Variants in NHSL2 observed in about 807,000 individuals in gnomAD.
The protein encoded by NHSL2 is NHS-like protein 2.
A neutral mutation model predicts 53.4 loss-of-function variants in NHSL2; 27 were observed. That is an observed-to-expected ratio of 0.51 (90% confidence interval 0.37 to 0.70). NHSL2 has a LOEUF of 0.70. Ranked by LOEUF, NHSL2 falls within the 30% of genes least tolerant of loss-of-function variation. NHSL2 has a pLI of 0.00. For synonymous variants in NHSL2, 408 were observed against 404.1 expected, an observed-to-expected ratio of 1.01 and a Z score of -0.12; for missense variants, 892 against 980.1, an observed-to-expected ratio of 0.91 and a Z score of 1.20.
intron 1 of NHSL2, among the ~76,000 whole-genome samples, chrX:72,067,927 G>C: frequency 8.9e-6 from 1 of 112,359 alleles, no homozygotes; most frequent in Admixed American, 9.4e-5. Context: ...CAACAGGAGA[G>C]GTTCCTAGCA....
intron 1 of NHSL2, among the ~76,000 whole-genome samples, chrX:71,913,145 C>T (rs2041612432): frequency 8.9e-6 from 1 of 111,841 alleles, no homozygotes. Context: ...ACATGTCCCA[C>T]GGCTCAGAGG....
rs191927385 is a variant in NHSL2 at position 72,146,925 on chromosome X, A to G, written c.*3351A>G. On this transcript the variant is annotated 3_prime_UTR_variant, in exon 8 of 8. Transcript: ENST00000633930. ...AACTCACCCATAAAGGAAGTGAGAC[A>G]ACAGGAAGCAAAATAATTAATGTTA... 81 of 111,655 alleles carry G rather than the reference A, an allele frequency of 7.3e-4. No individual in the cohort carries two copies. The highest frequency in any genetic ancestry group is 2.6e-3 in the African/African-American group (79 of 30,711). The allele number at this position is 111,655 out of a possible 1,213,427, so 9.2% of individuals were successfully genotyped here.
At chrX:72,031,360 G>A (rs2042214218) in intron 1 of NHSL2, among the ~76,000 whole-genome samples, 1 of 111,661 alleles carries the variant, frequency 9.0e-6, no homozygotes, top group African/African-American at 3.3e-5. Flanking sequence ...ACCTCTCTGA[G>A]CCTCAGGTCC....
At chrX:71,924,334 C>T (rs780824529) in intron 1 of NHSL2, among the ~76,000 whole-genome samples, 41 of 111,836 alleles carry the variant, frequency 3.7e-4, no homozygotes, top group Non-Finnish European at 7.3e-4. Flanking sequence ...TTCCTGTTTA[C>T]GGCCCTCTCT....
chrX:71,989,348 CAA>C (rs10625546), intron 1 of NHSL2, among the ~76,000 whole-genome samples: 1 of 54,726 alleles, frequency 1.8e-5, no homozygotes, highest in Non-Finnish European at 3.0e-5. Flanking sequence ...GACTCCGTCT[CAA>C]AAAAAAAAAA....
At chrX:72,142,388 T>TAATTGC in intron 7 of NHSL2, 24 bp downstream of exon 7, 1 of 1,070,338 alleles carries the variant, frequency 9.3e-7, no homozygotes, top group Non-Finnish European at 1.2e-6. Context: ...TCCTTAATTC[T>TAATTGC]AATTGCAATT....
chrX:72,002,327 A>AGTC (rs2042075992), intron 1 of NHSL2, among the ~76,000 whole-genome samples: 1 of 112,163 alleles, frequency 8.9e-6, no homozygotes, highest in African/African-American at 3.3e-5. Context: ...GCTATATTAC[A>AGTC]GTCTCTTAGA....
chrX:72,119,510 T>C (rs1019116624), intron 1 of NHSL2, among the ~76,000 whole-genome samples: 42 of 112,738 alleles, frequency 3.7e-4, no homozygotes, highest in African/African-American at 1.4e-3. Context: ...TTTTATTCTT[T>C]TGATGATATT....
intron 1 of NHSL2, among the ~76,000 whole-genome samples, chrX:72,018,607 C>T (rs1473961090): frequency 5.3e-5 from 6 of 112,739 alleles, no homozygotes; most frequent in Non-Finnish European, 9.4e-5. Flanking sequence ...GCGGAGGCGG[C>T]GAGCCTGCGA....
chrX:72,092,955 A>G (rs1388911414), intron 1 of NHSL2, among the ~76,000 whole-genome samples: 1 of 112,585 alleles, frequency 8.9e-6, no homozygotes, highest in East Asian at 2.8e-4. Context: ...GTCCAGACAA[A>G]GAATGCAAAG....
At chrX:72,131,343 C>T in intron 1 of NHSL2, 1 of 1,205,343 alleles carries the variant, frequency 8.3e-7, no homozygotes, top group East Asian at 3.0e-5. Flanking sequence ...CCAAGTTCTC[C>T]TCCGCAAGGA....
At position 72,144,624 on chromosome X, in the gene NHSL2, C is replaced by G; in HGVS notation, c.*1050C>G. 1 of 815,465 alleles carries G rather than the reference C, an allele frequency of 1.2e-6. No homozygotes were observed. The highest frequency in any genetic ancestry group is 2.1e-5 in the African/African-American group (1 of 47,325). 67.2% of individuals were successfully genotyped at this position (815,465 alleles called of 1,213,427 possible). Reference sequence around the variant, plus strand: ...TGTTTAAAGGAAGTCCGACTCTGTTCCAAAAACCAAGAACATATAAACTAA... The same window carrying G: ...TGTTTAAAGGAAGTCCGACTCTGTTGCAAAAACCAAGAACATATAAACTAA... On this transcript the variant is annotated 3_prime_UTR_variant, in exon 8 of 8. Transcript: ENST00000633930.
chrX:72,103,575 G>A (rs2042013609), intron 1 of NHSL2, among the ~76,000 whole-genome samples: 1 of 111,602 alleles, frequency 9.0e-6, no homozygotes, highest in South Asian at 3.7e-4. Flanking sequence ...AAGGATCCAA[G>A]CAGAGTAGTG....
At chrX:71,917,629 G>T (rs1165315637) in intron 1 of NHSL2, among the ~76,000 whole-genome samples, 2 of 110,675 alleles carry the variant, frequency 1.8e-5, no homozygotes, top group African/African-American at 3.3e-5. Context: ...GGCTACCGGG[G>T]CAAGGCAGAG....
intron 1 of NHSL2, among the ~76,000 whole-genome samples, chrX:72,048,929 T>G (rs897070865): frequency 9.4e-6 from 1 of 106,463 alleles, no homozygotes; most frequent in Non-Finnish European, 1.9e-5. Context: ...TTCAAAGTTA[T>G]AGTGAGTTAT....
intron 1 of NHSL2, among the ~76,000 whole-genome samples, chrX:71,935,467 A>G (rs978630551): frequency 1.8e-5 from 2 of 113,158 alleles, no homozygotes; most frequent in East Asian, 2.8e-4. Flanking sequence ...GCAATTGCTA[A>G]CTAAATGTGT....
chrX:71,932,652 T>C (rs992425857), intron 1 of NHSL2, among the ~76,000 whole-genome samples: 2 of 111,906 alleles, frequency 1.8e-5, no homozygotes, highest in African/African-American at 6.5e-5. Flanking sequence ...TTGAGGCCTA[T>C]GTGATGGTGT....
chrX:72,018,825 G>T (rs2042147471), intron 1 of NHSL2, among the ~76,000 whole-genome samples: 1 of 112,945 alleles, frequency 8.9e-6, no homozygotes, highest in Non-Finnish European at 1.9e-5. Flanking sequence ...AAAGGCCGGC[G>T]CTGCCTTTGG....
intron 1 of NHSL2, among the ~76,000 whole-genome samples, chrX:72,120,971 C>G (rs2042176990): frequency 8.9e-6 from 1 of 112,651 alleles, no homozygotes; most frequent in African/African-American, 3.2e-5. Flanking sequence ...CAGAAGGCAG[C>G]AGGCCCTGGC....
Sources: allele counts gnomAD v4.1 joint callset (sites outside exome capture counted in the v4.1 genomes callset), GRCh38; gene constraint gnomAD v4.1.1; transcripts MANE v1.5; gene names NCBI Gene and HGNC (gene_info 2026-07-23, HGNC 2026-07-21).